Variants in METTL25 observed in about 807,000 individuals in gnomAD.
METTL25 encodes probable methyltransferase-like protein 25.
In METTL25, 64 loss-of-function variants were observed where a neutral mutation model predicts 71.6. The ratio of observed to expected loss-of-function variants is 0.89; its 90% CI spans 0.73 to 1.10. METTL25 has a LOEUF of 1.10. Among genes scored for constraint, METTL25 ranks in the 50% least tolerant of loss-of-function variants. The pLI is 0.00. For synonymous variants in METTL25, 287 were observed against 250.3 expected, an observed-to-expected ratio of 1.15 and a Z score of -1.38; for missense variants, 807 against 707.0, an observed-to-expected ratio of 1.14 and a Z score of -1.60.
chr12:82,398,382 C>T (rs767666472), intron 3 of METTL25, among the ~76,000 whole-genome samples: 4 of 151,700 alleles, frequency 2.6e-5, no homozygotes, highest in African/African-American at 4.8e-5. Flanking sequence ...AGCTTGACTC[C>T]TAATTGTTTT....
chr12:82,375,790 T>TAA (rs1883786940), intron 1 of METTL25, among the ~76,000 whole-genome samples: 2 of 152,230 alleles, frequency 1.3e-5, no homozygotes, highest in South Asian at 4.1e-4. Flanking sequence ...CTGTGGTCAT[T>TAA]AATAGAATTA....
At chr12:82,435,942 C>G (rs1365290439) in intron 7 of METTL25, among the ~76,000 whole-genome samples, 1 of 151,388 alleles carries the variant, frequency 6.6e-6, no homozygotes, top group African/African-American at 2.4e-5. Context: ...TGTACTCTTA[C>G]TATCCCATGA....
intron 5 of METTL25, among the ~76,000 whole-genome samples, chr12:82,415,814 C>T (rs1887934005): frequency 6.6e-6 from 1 of 152,162 alleles, no homozygotes; most frequent in Admixed American, 6.6e-5. Flanking sequence ...CCCAAAACTC[C>T]TTCACGGGCC....
intron 11 of METTL25, among the ~76,000 whole-genome samples, chr12:82,478,484 CAAAT>C (rs945277842): frequency 4.0e-5 from 6 of 151,526 alleles, no homozygotes; most frequent in Non-Finnish European, 8.9e-5. Context: ...AGGAATCTCT[CAAAT>C]ATATATGGTT....
intron 1 of METTL25, among the ~76,000 whole-genome samples, chr12:82,361,009 C>T (rs993816310): frequency 3.4e-4 from 51 of 152,224 alleles, no homozygotes; most frequent in Non-Finnish European, 4.1e-4. Flanking sequence ...CAAGATTTAT[C>T]ACAAGGAGTG....
intron 2 of METTL25, among the ~76,000 whole-genome samples, chr12:82,387,661 C>T (rs913195308): frequency 1.3e-5 from 2 of 151,922 alleles, no homozygotes; most frequent in South Asian, 2.1e-4. Context: ...CCTAGATTCA[C>T]CATGTGTTCA....
At chr12:82,361,764 C>T (rs951352822) in intron 1 of METTL25, among the ~76,000 whole-genome samples, 3 of 152,190 alleles carry the variant, frequency 2.0e-5, no homozygotes, top group Non-Finnish European at 2.9e-5. Context: ...GGCCAGCAAG[C>T]GTGGCGCGCA....
chr12:82,404,375 T>G (rs543085535), intron 5 of METTL25, among the ~76,000 whole-genome samples: 1 of 152,214 alleles, frequency 6.6e-6, no homozygotes, highest in Admixed American at 6.5e-5. Context: ...AAAAAAAAAG[T>G]ATTTCTACTA....
intron 7 of METTL25, 71 bp downstream of exon 7, chr12:82,434,795 T>G (rs1889796581): frequency 8.0e-7 from 1 of 1,242,808 alleles, no homozygotes; most frequent in African/African-American, 1.5e-5. Flanking sequence ...GACCTGCTGA[T>G]GAACTTAAAA....
At chr12:82,467,751 A>G (rs1275947346) in intron 9 of METTL25, among the ~76,000 whole-genome samples, 2 of 152,176 alleles carry the variant, frequency 1.3e-5, no homozygotes, top group East Asian at 1.9e-4. Flanking sequence ...TTTGACTTTA[A>G]TATGCCTTGG....
intron 1 of METTL25, among the ~76,000 whole-genome samples, chr12:82,373,789 A>G (rs1883523263): frequency 6.6e-6 from 1 of 152,052 alleles, no homozygotes; most frequent in Admixed American, 6.5e-5. Context: ...AGTGCTCCCA[A>G]CTCCAAAGAG....
At chr12:82,381,918 C>T (rs1319970403) in intron 1 of METTL25, among the ~76,000 whole-genome samples, 1 of 152,150 alleles carries the variant, frequency 6.6e-6, no homozygotes, top group East Asian at 1.9e-4. Flanking sequence ...TACTGGAGAG[C>T]ATTAACAAGG....
At chr12:82,443,101 G>A (rs1406251351) in intron 8 of METTL25, among the ~76,000 whole-genome samples, 2 of 151,872 alleles carry the variant, frequency 1.3e-5, no homozygotes, top group Non-Finnish European at 2.9e-5. Context: ...TGCAGTCTGA[G>A]AAGAAGATGA....
chr12:82,439,576 T>C (rs189883494), intron 8 of METTL25, among the ~76,000 whole-genome samples: 1 of 151,946 alleles, frequency 6.6e-6, no homozygotes, highest in East Asian at 1.9e-4. Flanking sequence ...AGAAAAAATA[T>C]CCACTTTTTA....
rs760507086 is a variant in METTL25, at chr12:82,477,332, C to T, written c.1699C>T (p.Leu567Phe). 8.3e-6 allele frequency: 13 copies of T among 1,558,218 alleles called. No individual in the cohort carries two copies. In the Admixed American group the frequency reaches 2.3e-4, roughly 27 times the overall value. The change falls in exon 11 of 12, where the codon CTT becomes TTT. Residue 567 changes from leucine to phenylalanine, a missense_variant. By Grantham distance (22) the Leu-to-Phe change is conservative. Coordinates refer to ENST00000248306, the MANE Select transcript of METTL25 (RefSeq NM_032230.3). ...CIETLILLDR[L>F]CYLKEQEDIA... ...AGAGACTTTGATTCTTCTGGATCGA[C>T]TTTGTTACCTGAAAGAGCAGGTAAA... is the stretch of plus-strand genomic sequence containing the variant.
chr12:82,413,401 T>C (rs2137068444), intron 5 of METTL25, among the ~76,000 whole-genome samples: 1 of 152,246 alleles, frequency 6.6e-6, no homozygotes, highest in South Asian at 2.1e-4. Context: ...TAAATAGGTT[T>C]TGTTACAGAT....
At chr12:82,468,198 C>T (rs1397171413) in intron 9 of METTL25, among the ~76,000 whole-genome samples, 1 of 152,122 alleles carries the variant, frequency 6.6e-6, no homozygotes, top group Non-Finnish European at 1.5e-5. Flanking sequence ...CACTAATAAT[C>T]TCCCTATAAT....
intron 9 of METTL25, among the ~76,000 whole-genome samples, chr12:82,467,538 C>A (rs1027704388): frequency 6.6e-6 from 1 of 151,980 alleles, no homozygotes; most frequent in Non-Finnish European, 1.5e-5. Flanking sequence ...TGAAAGATGG[C>A]TTTTCTGGGT....
chr12:82,443,202 T>C (rs902460840), intron 8 of METTL25, among the ~76,000 whole-genome samples: 12 of 151,874 alleles, frequency 7.9e-5, no homozygotes, highest in Admixed American at 6.6e-4. Flanking sequence ...ACAAATCTTA[T>C]GATGAAGTAA....
Sources: allele counts gnomAD v4.1 joint callset (sites outside exome capture counted in the v4.1 genomes callset), GRCh38; gene constraint gnomAD v4.1.1; transcripts MANE v1.5; gene names NCBI Gene and HGNC (gene_info 2026-07-23, HGNC 2026-07-21).